The following FBXO4 variants were observed in gnomAD, a reference collection of about 807,000 sequenced individuals.
The protein encoded by FBXO4 is F-box protein 4, also known as F-box only protein 4.
Under a neutral mutation model 43.7 loss-of-function variants are expected in FBXO4, and 36 were observed. That is an observed-to-expected ratio of 0.82 (90% confidence interval 0.63 to 1.09). FBXO4 has a LOEUF of 1.09. FBXO4 is among the 50% of genes least tolerant of loss of function. The pLI, the probability that FBXO4 is intolerant of heterozygous loss-of-function variation, is 0.00. For synonymous variants in FBXO4, 180 were observed against 165.6 expected (o/e 1.09, Z -0.67); for missense variants, 435 against 474.1 (o/e 0.92, Z 0.77).
chr5:42,029,913 C>A, the FBXO4 span, among the ~76,000 whole-genome samples: 1 of 151,802 alleles, frequency 6.6e-6, no homozygotes, highest in South Asian at 2.1e-4. Flanking sequence ...ATTTCTAATT[C>A]TCTGAAAGGA....
At chr5:41,937,506 C>T (rs758934968) in intron 5 of FBXO4, among the ~76,000 whole-genome samples, 17 of 152,144 alleles carry the variant, frequency 1.1e-4, no homozygotes, top group Non-Finnish European at 2.2e-4. Flanking sequence ...TAACAGAATA[C>T]CCCAGACCTG....
chr5:41,976,803 A>G, the FBXO4 span, among the ~76,000 whole-genome samples: 2 of 152,160 alleles, frequency 1.3e-5, no homozygotes, highest in African/African-American at 4.8e-5. Flanking sequence ...CCAGTAGGCC[A>G]TGTCTGTGTG....
chr5:41,946,531 A>G (rs1299922094), downstream of FBXO4, among the ~76,000 whole-genome samples: 1 of 152,240 alleles, frequency 6.6e-6, no homozygotes, highest in Non-Finnish European at 1.5e-5. Context: ...GTAATTTTCC[A>G]TTGCAGAAAC....
chr5:41,937,381 G>T (rs1751877410), intron 5 of FBXO4, among the ~76,000 whole-genome samples: 2 of 152,214 alleles, frequency 1.3e-5, no homozygotes, highest in South Asian at 4.1e-4. Context: ...TTATAGTACT[G>T]CAAGGGGGAA....
rs189367674 is a variant in FBXO4, at chr5:41,926,245, A to G, written c.189+747A>G. On this transcript the variant is annotated intron_variant, in intron 1 of 6. Coordinates refer to ENST00000281623, the MANE Select transcript of FBXO4 (RefSeq NM_012176.3). ...AAGTTTCTCCTTGCAGAGGTTTTTCATAACATTTTAATAGATTCTGTAGAG... is the reference window on the plus strand; with the variant it reads ...AAGTTTCTCCTTGCAGAGGTTTTTCGTAACATTTTAATAGATTCTGTAGAG... 3.2e-3 allele frequency among the ~76,000 whole-genome samples: 482 copies of G among 152,350 alleles called. 1 individual carries two copies. Among genetic ancestry groups the G allele is most frequent in the African/African-American group, 0.011 (467 of 41,588 alleles).
chr5:41,969,423 C>G, the FBXO4 span, among the ~76,000 whole-genome samples: 2 of 152,114 alleles, frequency 1.3e-5, no homozygotes, highest in Non-Finnish European at 2.9e-5. Context: ...GGAGGTATCC[C>G]TATGTCTTAA....
At chr5:41,981,521 C>T in the FBXO4 span, among the ~76,000 whole-genome samples, 5 of 151,346 alleles carry the variant, frequency 3.3e-5, no homozygotes, top group East Asian at 1.9e-4. Context: ...CTTTTGCATA[C>T]TTTGTATTAT....
At chr5:41,925,837 C>T (rs185234868) in intron 1 of FBXO4, among the ~76,000 whole-genome samples, 3 of 152,184 alleles carry the variant, frequency 2.0e-5, no homozygotes, top group Admixed American at 2.0e-4. Flanking sequence ...TGAGACAGTT[C>T]CCAACTTGCT....
chr5:41,952,805 T>C, the FBXO4 span, among the ~76,000 whole-genome samples: 2 of 152,136 alleles, frequency 1.3e-5, no homozygotes, highest in African/African-American at 4.8e-5. Flanking sequence ...CTTTGTCTAG[T>C]CTCCTATTAT....
At chr5:41,926,990 C>T (rs1354682437) in intron 1 of FBXO4, 23 bp from the exon 2 acceptor site, 1 of 1,457,986 alleles carries the variant, frequency 6.9e-7, no homozygotes, top group South Asian at 1.3e-5. Context: ...CTTTTTCCTA[C>T]CTGCTGCTTT....
chr5:41,996,102 A>T, the FBXO4 span, among the ~76,000 whole-genome samples: 1 of 152,038 alleles, frequency 6.6e-6, no homozygotes, highest in South Asian at 2.1e-4. Flanking sequence ...AGGCTGGGGG[A>T]GAGAAGGCAG....
At chr5:41,985,287 C>T in the FBXO4 span, among the ~76,000 whole-genome samples, 1 of 152,128 alleles carries the variant, frequency 6.6e-6, no homozygotes, top group Non-Finnish European at 1.5e-5. Context: ...ACTTATTCAA[C>T]AGAGCCTAGA....
chr5:41,925,370 G>A lies in FBXO4; in HGVS notation c.61G>A (p.Gly21Ser). Residue 21 changes from glycine (G) to serine (S), a missense_variant, in exon 1 of 7, where the codon GGC becomes AGC. By Grantham distance (56) the Gly-to-Ser change is moderately conservative. Coordinates refer to ENST00000281623, the MANE Select transcript of FBXO4 (RefSeq NM_012176.3). ...GCCGCCGCCGCCCTTCAGCGACTGG[G>A]GCCGCCTGGAGGCGGCCATCCTCAG... is the stretch of plus-strand genomic sequence containing the variant. ...NSPPPPFSDW[G>S]RLEAAILSGW... The A allele has an allele frequency of 7.3e-7, 1 of 1,376,284 alleles. No individual in the cohort carries two copies. Among genetic ancestry groups the A allele is most frequent in the Middle Eastern group, 1.9e-4 (1 of 5,220 alleles). 85.3% of individuals were successfully genotyped at this position (1,376,284 alleles called of 1,614,324 possible). A position where few individuals can be genotyped will look rare whatever the true frequency, so the allele number is the denominator to read the frequency against.
chr5:41,945,221 G>A (rs531437846), downstream of FBXO4, among the ~76,000 whole-genome samples: 5 of 152,274 alleles, frequency 3.3e-5, no homozygotes, highest in South Asian at 1.0e-3. Context: ...GGAATACTAT[G>A]TGAGCTTTAT....
chr5:41,934,575 C>A, intron 5 of FBXO4: 1 of 1,329,952 alleles, frequency 7.5e-7, no homozygotes, highest in East Asian at 3.0e-5. Context: ...ATTTGGGCAT[C>A]TGTTTTTTCC....
At chr5:42,018,948 T>C in the FBXO4 span, among the ~76,000 whole-genome samples, 1 of 152,198 alleles carries the variant, frequency 6.6e-6, no homozygotes, top group Non-Finnish European at 1.5e-5. Flanking sequence ...CAGCATCTTG[T>C]CATTCAGTGT....
At chr5:41,994,548 G>A in the FBXO4 span, among the ~76,000 whole-genome samples, 1 of 152,132 alleles carries the variant, frequency 6.6e-6, no homozygotes, top group Non-Finnish European at 1.5e-5. Flanking sequence ...AGCCCTGCCG[G>A]ATTGGACTGT....
At chr5:41,982,256 T>G in the FBXO4 span, among the ~76,000 whole-genome samples, 3 of 152,170 alleles carry the variant, frequency 2.0e-5, no homozygotes, top group Non-Finnish European at 2.9e-5. Flanking sequence ...ATCCTTTGGG[T>G]ATATACCCAG....
the FBXO4 span, chr5:41,951,586 T>C: frequency 4.2e-6 from 1 of 235,996 alleles, no homozygotes. Flanking sequence ...TTTCAGGATG[T>C]TTGTAGAAGT....
Sources: gnomAD v4.1 joint callset for allele counts (sites outside exome capture counted in the v4.1 genomes callset) on GRCh38, gnomAD v4.1.1 for gene constraint, MANE v1.5 for transcripts, NCBI Gene and HGNC (gene_info 2026-07-23, HGNC 2026-07-21) for gene names.